Variants in CALB2 observed in about 807,000 individuals in gnomAD.
CALB2 encodes calbindin 2.
A neutral mutation model predicts 45.9 loss-of-function variants in CALB2; 34 were observed. The ratio of observed to expected loss-of-function variants is 0.74; its 90% CI spans 0.56 to 0.99. The LOEUF (loss-of-function observed/expected upper bound fraction) is 0.99, where lower values mean the gene tolerates loss of function less well. Among genes scored for constraint, CALB2 ranks in the 50% least tolerant of loss-of-function variants. The pLI is 0.00. For missense variants in CALB2, 344 were observed against 339.3 expected, an observed-to-expected ratio of 1.01 and a Z score of -0.11; for synonymous variants, 142 against 129.6, an observed-to-expected ratio of 1.10 and a Z score of -0.65.
intron 1 of CALB2, 58 bp from the exon 2 acceptor site, chr16:71,372,095 C>G: frequency 8.2e-7 from 1 of 1,220,046 alleles, no homozygotes; most frequent in Non-Finnish European, 1.2e-6. Flanking sequence ...GACATGCCCA[C>G]CCCGTGCCCC....
intron 1 of CALB2, among the ~76,000 whole-genome samples, chr16:71,368,057 C>G (rs2042307510): frequency 1.3e-5 from 2 of 152,144 alleles, no homozygotes. Flanking sequence ...TCTATGACAC[C>G]ATCATTCTTT....
At position 71,389,951 on chromosome 16, in the gene CALB2, C is replaced by A; in HGVS notation, c.*86C>A. The A allele has an allele frequency of 2.4e-6, 2 of 842,308 alleles. No individual in the cohort carries two copies. The highest frequency in any genetic ancestry group is 2.0e-6 in the Non-Finnish European group (1 of 500,860). 52.2% of individuals were successfully genotyped at this position (842,308 alleles called of 1,614,324 possible). A position where few individuals can be genotyped will look rare whatever the true frequency, so the allele number is the denominator to read the frequency against. On this transcript the variant is annotated 3_prime_UTR_variant, in exon 11 of 11. Transcript: ENST00000302628. ...TCTACCCAGACTCAGAGACCGTGAG[C>A]GCCCCGCCCCCACCCCTACAGCCTG...
chr16:71,383,320 A>G, intron 5 of CALB2, 47 bp from the exon 6 acceptor site: 1 of 1,524,844 alleles, frequency 6.6e-7, no homozygotes, highest in Non-Finnish European at 9.1e-7. Context: ...TGAATGAGGG[A>G]CCGAATGCAC....
Position 71,358,889 on chromosome 16 carries a change from C to A in CALB2, c.94+3C>A. On this transcript the variant is annotated splice_donor_region_variant and intron_variant, in intron 1 of 10. Coordinates refer to ENST00000302628, the MANE Select transcript of CALB2 (RefSeq NM_001740.5). ...ATGGAAGCACTTTGACGCAGACGGT[C>A]AGTAAAGCTCCCAACTTCTGTGCCC... 6.2e-7 allele frequency: 1 copy of A among 1,612,036 alleles called. No homozygotes were observed. Among genetic ancestry groups the A allele is most frequent in the South Asian group, 1.1e-5 (1 of 90,590 alleles).
chr16:71,383,975 G>T lies in CALB2; in HGVS notation c.483G>T (p.Arg161=), dbSNP rs2042533575. The T allele has an allele frequency of 1.6e-5, 26 of 1,613,740 alleles. No individual in the cohort carries two copies. The highest frequency in any genetic ancestry group is 2.1e-5 in the Non-Finnish European group (25 of 1,179,864). The change falls in exon 7 of 11, where the codon CGG becomes CGT. Residue 161 remains arginine (R), a synonymous_variant. Transcript: ENST00000302628. ...CACCTTTCTGTCCCCAACAGCTACG[G>T]ATGTTTGACTTGAACGGGGATGGCA... ...KLQEYTQTIL[R]MFDLNGDGKL...
chr16:71,374,745 A>C lies in CALB2; in HGVS notation c.172A>C (p.Met58Leu), dbSNP rs1416252661. ...ATCAGCCCCCTTTGTCTTTCCACAGATGTCAAAGAGTGACAACTTTGGAGA... is the reference window on the plus strand; with the variant it reads ...ATCAGCCCCCTTTGTCTTTCCACAGCTGTCAAAGAGTGACAACTTTGGAGA... Reference protein sequence around the residue: ...LEKARKGSGMMSKSDNFGEKM... With the variant: ...LEKARKGSGMLSKSDNFGEKM... Residue 58 changes from methionine to leucine, a missense_variant and splice_region_variant, in exon 3 of 11, where the codon ATG (methionine) becomes CTG (leucine). By Grantham distance (15) the Met-to-Leu change is conservative. Coordinates refer to ENST00000302628, the MANE Select transcript of CALB2 (RefSeq NM_001740.5). 6.2e-7 allele frequency: 1 copy of C among 1,607,494 alleles called. No individual in the cohort carries two copies. The highest frequency in any genetic ancestry group is 8.5e-7 in the Non-Finnish European group (1 of 1,174,266).
intron 3 of CALB2, among the ~76,000 whole-genome samples, chr16:71,376,849 C>T (rs2042422464): frequency 6.6e-6 from 1 of 152,218 alleles, no homozygotes; most frequent in East Asian, 1.9e-4. Context: ...CCATATCCAA[C>T]TACATACATC....
At chr16:71,383,569 G>A in intron 6 of CALB2, 125 bp downstream of exon 6, 1 of 838,746 alleles carries the variant, frequency 1.2e-6, no homozygotes, top group Non-Finnish European at 1.9e-6. Flanking sequence ...ATTCACAGTG[G>A]CAGCTGGCAA....
chr16:71,380,756 T>C (rs1290026527), intron 4 of CALB2, among the ~76,000 whole-genome samples: 1 of 152,194 alleles, frequency 6.6e-6, no homozygotes, highest in Non-Finnish European at 1.5e-5. Flanking sequence ...TGTTCCATTT[T>C]TACCAGCCAG....
chr16:71,366,013 CCTCT>C lies in CALB2; in HGVS notation c.95-6131_95-6128del, dbSNP rs200567880. ...TTTTCTTTCTTTCTTTGTTTTCTTCCCTCTCTCTCTCTTTTTTTTTTTTTTTTTT... is the reference window on the plus strand; with the variant it reads ...TTTTCTTTCTTTCTTTGTTTTCTTCCCTCTCTCTTTTTTTTTTTTTTTTTT... On this transcript the variant is annotated intron_variant, in intron 1 of 10. Transcript: ENST00000302628. Among the ~76,000 whole-genome samples, 183 of 59,300 alleles carry C rather than the reference CCTCT, an allele frequency of 3.1e-3. 4 individuals are homozygous for C. Among genetic ancestry groups the C allele is most frequent in the African/African-American group, 9.5e-3 (156 of 16,416 alleles). 38.9% of individuals were successfully genotyped at this position (59,300 alleles called of 152,430 possible). A position where few individuals can be genotyped will look rare whatever the true frequency, so the allele number is the denominator to read the frequency against.
chr16:71,360,697 C>G (rs1022215537), intron 1 of CALB2, among the ~76,000 whole-genome samples: 2 of 152,192 alleles, frequency 1.3e-5, no homozygotes, highest in Non-Finnish European at 2.9e-5. Context: ...TGTCCATAAC[C>G]ACGCAGATCC....
Position 71,372,219 on chromosome 16 carries a change from G to T in CALB2, c.161G>T (p.Gly54Val), listed in dbSNP as rs145523634. ...FFQELEKARK[G>V]SGMMSKSDNF... ...CAAGAGCTGGAGAAGGCAAGGAAAG[G>T]CTCTGGCATGGTAAGCCCAGCCCTG... is the stretch of plus-strand genomic sequence containing the variant. Residue 54 changes from glycine to valine, a missense_variant, in exon 2 of 11, where the codon GGC becomes GTC. Around this residue, in one of 3 missense-constraint regions of CALB2, gnomAD observed 77 missense variants for 80.5 expected, o/e 0.96. Transcript: ENST00000302628. The T allele has an allele frequency of 7.7e-5, 124 of 1,612,590 alleles. No individual in the cohort carries two copies. In the African/African-American group the frequency reaches 1.2e-3, roughly 16 times the overall value.
intron 10 of CALB2, among the ~76,000 whole-genome samples, chr16:71,389,137 G>A (rs370958789): frequency 5.3e-5 from 8 of 151,510 alleles, no homozygotes; most frequent in Non-Finnish European, 7.4e-5. Context: ...GCAGTGAGCC[G>A]AGATCGTGTC....
rs552328036 is a variant in CALB2 at position 71,369,682 on chromosome 16, C to T, written c.95-2471C>T. Among the ~76,000 whole-genome samples the T allele has an allele frequency of 1.3e-3, 200 of 152,278 alleles. 1 individual carries two copies. The highest frequency in any genetic ancestry group is 1.9e-3 in the South Asian group (9 of 4,826). ...GCACTCGTGGTGCCAGCTCTGAGCC[C>T]CCACCTCCTGCCCTAGCCTCGGGCT... On this transcript the variant is annotated intron_variant, in intron 1 of 10. Transcript: ENST00000302628.
chr16:71,387,495 G>A (rs955350889), intron 10 of CALB2, among the ~76,000 whole-genome samples: 33 of 151,502 alleles, frequency 2.2e-4, no homozygotes, highest in Admixed American at 1.1e-3. Context: ...ATAGATGCAC[G>A]CATTCCATTT....
intron 1 of CALB2, among the ~76,000 whole-genome samples, chr16:71,366,022 C>CTTTTTTTTT (rs1447467571): frequency 0.028 from 1,424 of 50,318 alleles, 321 homozygotes; most frequent in South Asian, 0.08. Flanking sequence ...CCCTCTCTCT[C>CTTTTTTTTT]TCTTTTTTTT....
intron 5 of CALB2, 63 bp downstream of exon 5, chr16:71,382,838 G>A: frequency 1.2e-5 from 18 of 1,444,032 alleles, no homozygotes; most frequent in Non-Finnish European, 1.6e-5. Flanking sequence ...TGCCTGAGGA[G>A]GGAGGAGATG....
chr16:71,374,642 A>T, intron 2 of CALB2, 103 bp from the exon 3 acceptor site: 1 of 763,338 alleles, frequency 1.3e-6, no homozygotes, highest in Non-Finnish European at 2.3e-6. Context: ...TTGGTTCTGC[A>T]CCCACTTACC....
At chr16:71,382,655 TGGAA>T in intron 4 of CALB2, 60 bp from the exon 5 acceptor site, 9 of 1,536,224 alleles carry the variant, frequency 5.9e-6, no homozygotes, top group Non-Finnish European at 8.0e-6. Context: ...TAAAGGGGAA[TGGAA>T]GGGAGGTGGG....
Sources: gnomAD v4.1 joint callset for allele counts (sites outside exome capture counted in the v4.1 genomes callset) on GRCh38, gnomAD v4.1.1 for gene constraint, gnomAD v4.1.1 regional missense constraint, MANE v1.5 for transcripts, NCBI Gene and HGNC (gene_info 2026-07-23, HGNC 2026-07-21) for gene names.